Variants in SLC39A14 observed in about 807,000 individuals in gnomAD.
The protein encoded by SLC39A14 is solute carrier family 39 member 14.
A neutral mutation model predicts 45.5 loss-of-function variants in SLC39A14; 19 were observed. The ratio of observed to expected loss-of-function variants is 0.42; its 90% CI spans 0.29 to 0.61. The LOEUF is 0.61. Among genes scored for constraint, SLC39A14 ranks in the 20% least tolerant of loss-of-function variants. SLC39A14 has a pLI of 0.22. For missense variants in SLC39A14, 447 were observed against 616.5 expected (o/e 0.73, Z 2.91); for synonymous variants, 264 against 251.3 (o/e 1.05, Z -0.48).
At chr8:22,404,521 G>A (rs866648793) in intron 1 of SLC39A14, 175 bp from the exon 2 acceptor site, 14 of 421,348 alleles carry the variant, frequency 3.3e-5, no homozygotes, top group Non-Finnish European at 4.7e-5. Flanking sequence ...CTTTTTATTC[G>A]TTTTTATTCT....
intron 1 of SLC39A14, among the ~76,000 whole-genome samples, chr8:22,396,435 AG>A (rs1563533220): frequency 0.076 from 30 of 396 alleles, 12 homozygotes; most frequent in African/African-American, 0.36. Context: ...AGAGAGAGAG[AG>A]AGAGAGAGAG....
chr8:22,431,149 G>A (rs940914349), intron 8 of SLC39A14, among the ~76,000 whole-genome samples: 1 of 151,924 alleles, frequency 6.6e-6, no homozygotes, highest in South Asian at 2.1e-4. Context: ...CACCACACCT[G>A]GCTAATTTTT....
At chr8:22,430,691 G>C (rs1836452780) in intron 8 of SLC39A14, among the ~76,000 whole-genome samples, 1 of 151,852 alleles carries the variant, frequency 6.6e-6, no homozygotes, top group South Asian at 2.1e-4. Context: ...TTTCGTTTTG[G>C]AGACAGGGTC....
intron 4 of SLC39A14, among the ~76,000 whole-genome samples, chr8:22,413,065 A>T (rs1303721758): frequency 6.6e-6 from 1 of 152,214 alleles, no homozygotes; most frequent in East Asian, 1.9e-4. Flanking sequence ...CCTTGATGGT[A>T]CCTTTGCCTA....
At chr8:22,429,485 T>C (rs956440939) in intron 8 of SLC39A14, among the ~76,000 whole-genome samples, 6 of 152,248 alleles carry the variant, frequency 3.9e-5, no homozygotes, top group African/African-American at 1.4e-4. Context: ...GTTTTAGAAA[T>C]TAAAGCTCTG....
At chr8:22,394,039 G>A (rs1162716711) in intron 1 of SLC39A14, among the ~76,000 whole-genome samples, 10 of 141,394 alleles carry the variant, frequency 7.1e-5, no homozygotes, top group African/African-American at 1.1e-4. Context: ...ACAGAGTCTC[G>A]CTCTGTTGCC....
chr8:22,374,133 T>C (rs551594249), intron 1 of SLC39A14, among the ~76,000 whole-genome samples: 1 of 152,242 alleles, frequency 6.6e-6, no homozygotes, highest in Admixed American at 6.5e-5. Context: ...TAAAGAGGTT[T>C]GGGAATAGGC....
intron 1 of SLC39A14, among the ~76,000 whole-genome samples, chr8:22,383,675 CAG>C (rs1563498883): frequency 1.3e-5 from 2 of 152,174 alleles, no homozygotes; most frequent in African/African-American, 4.8e-5. Flanking sequence ...TACCAGGAAA[CAG>C]AGATGACAAG....
chr8:22,386,113 G>A (rs1322251612), intron 1 of SLC39A14, among the ~76,000 whole-genome samples: 1 of 150,934 alleles, frequency 6.6e-6, no homozygotes, highest in Non-Finnish European at 1.5e-5. Context: ...CTAATTTTTT[G>A]TATTTTTTTG....
rs542425521 is a variant in SLC39A14, at chr8:22,413,772, G to A, written c.628-1008G>A. ...AGAATAAAATAGGAGCAAGTCGTTA[G>A]ATACTTTTTTTTGTTTGTTTTTGAG... On this transcript the variant is annotated intron_variant, in intron 4 of 8. Transcript: ENST00000381237. Among the ~76,000 whole-genome samples the A allele has an allele frequency of 1.5e-4, 23 of 152,080 alleles. No homozygotes were observed. The South Asian group carries it at 4.0e-3, about 26-fold the overall frequency.
intron 1 of SLC39A14, among the ~76,000 whole-genome samples, chr8:22,377,845 C>T (rs1249817521): frequency 6.6e-6 from 1 of 152,232 alleles, no homozygotes; most frequent in Non-Finnish European, 1.5e-5. Context: ...CCCAGAGCTG[C>T]ACTAGGATGT....
intron 8 of SLC39A14, among the ~76,000 whole-genome samples, chr8:22,432,385 T>C (rs1563643401): frequency 1.4e-5 from 2 of 139,670 alleles, no homozygotes; most frequent in Non-Finnish European, 3.2e-5. Context: ...TGCTTCCTTC[T>C]TTTTCTTTCA....
intron 4 of SLC39A14, 83 bp downstream of exon 4, chr8:22,412,289 G>A (rs1385335296): frequency 1.4e-6 from 2 of 1,408,650 alleles, no homozygotes; most frequent in South Asian, 1.4e-5. Flanking sequence ...GGCATAGAGA[G>A]GGCACCTGGA....
downstream of SLC39A14, among the ~76,000 whole-genome samples, chr8:22,425,550 ATAGT>A (rs1334085605): frequency 6.7e-6 from 1 of 149,084 alleles, no homozygotes; most frequent in Non-Finnish European, 1.5e-5. Flanking sequence ...TTTTTTTTTA[ATAGT>A]GGAAAAAAAA....
chr8:22,418,011 G>C (rs768132884), intron 8 of SLC39A14, among the ~76,000 whole-genome samples, 176 bp downstream of exon 8: 2 of 151,658 alleles, frequency 1.3e-5, no homozygotes, highest in African/African-American at 4.8e-5. Flanking sequence ...CAAGTGATTC[G>C]CCTGCCTCAG....
At chr8:22,381,223 C>T (rs546826523) in intron 1 of SLC39A14, among the ~76,000 whole-genome samples, 35 of 152,248 alleles carry the variant, frequency 2.3e-4, no homozygotes, top group South Asian at 2.1e-4. Flanking sequence ...CTGCCCGCCT[C>T]GGCCTCCCAA....
intron 1 of SLC39A14, among the ~76,000 whole-genome samples, chr8:22,380,963 A>G (rs538887545): frequency 6.7e-6 from 1 of 149,354 alleles, no homozygotes; most frequent in African/African-American, 2.5e-5. Flanking sequence ...GGAGTGAGCC[A>G]CCATGCCCGG....
intron 3 of SLC39A14, among the ~76,000 whole-genome samples, chr8:22,409,308 G>A (rs931619753): frequency 5.9e-5 from 9 of 152,112 alleles, no homozygotes; most frequent in Admixed American, 5.9e-4. Context: ...GTCGGCACCC[G>A]GAATATACTG....
intron 1 of SLC39A14, among the ~76,000 whole-genome samples, chr8:22,400,982 A>G (rs1425289240): frequency 6.6e-6 from 1 of 152,188 alleles, no homozygotes; most frequent in Non-Finnish European, 1.5e-5. Flanking sequence ...GCCATATCTT[A>G]TGCTGTTAGA....
Sources: gnomAD v4.1 joint callset for allele counts (sites outside exome capture counted in the v4.1 genomes callset) on GRCh38, gnomAD v4.1.1 for gene constraint, MANE v1.5 for transcripts, NCBI Gene and HGNC (gene_info 2026-07-23, HGNC 2026-07-21) for gene names.